RNF121: variants seen among roughly 807,000 people sequenced by gnomAD.
The protein encoded by RNF121 is ring finger protein 121.
RNF121 carries 21 observed loss-of-function variants against 46.5 expected under a neutral mutation model. The ratio of observed to expected loss-of-function variants is 0.45; its 90% CI spans 0.32 to 0.65. The LOEUF is 0.65. Ranked by LOEUF, RNF121 falls within the 30% of genes least tolerant of loss-of-function variation. RNF121 has a pLI of 0.04. For synonymous variants in RNF121, 139 were observed against 144.7 expected, an observed-to-expected ratio of 0.96 and a Z score of 0.28; for missense variants, 346 against 416.0, an observed-to-expected ratio of 0.83 and a Z score of 1.46.
chr11:71,967,719 C>T (rs553504810), intron 3 of RNF121, among the ~76,000 whole-genome samples: 6 of 152,162 alleles, frequency 3.9e-5, no homozygotes, highest in South Asian at 2.1e-4. Context: ...CTGTGCCTGG[C>T]GGTAATAATT....
intron 3 of RNF121, among the ~76,000 whole-genome samples, chr11:71,967,123 G>A (rs1196502956): frequency 3.4e-5 from 5 of 146,582 alleles, no homozygotes; most frequent in East Asian, 2.0e-4. Context: ...CACCCGCCTC[G>A]GCCTCCCAAA....
At chr11:71,987,713 A>G (rs1053219394) in intron 5 of RNF121, among the ~76,000 whole-genome samples, 5 of 152,258 alleles carry the variant, frequency 3.3e-5, no homozygotes, top group Non-Finnish European at 7.3e-5. Context: ...TTTATAGGAA[A>G]AGTTTGCTGA....
chr11:71,929,945 C>CTT (rs573332575), intron 1 of RNF121, among the ~76,000 whole-genome samples: 133 of 152,318 alleles, frequency 8.7e-4, no homozygotes, highest in Admixed American at 2.2e-3. Flanking sequence ...AAATAAGTGT[C>CTT]TCTCTCTTCT....
At chr11:71,940,970 C>T (rs1478876233) in intron 1 of RNF121, among the ~76,000 whole-genome samples, 4 of 152,180 alleles carry the variant, frequency 2.6e-5, no homozygotes, top group South Asian at 2.1e-4. Flanking sequence ...CGTTAAACAG[C>T]GTGGAATATT....
intron 3 of RNF121, among the ~76,000 whole-genome samples, chr11:71,964,243 C>T (rs1396186327): frequency 1.3e-5 from 2 of 151,858 alleles, no homozygotes; most frequent in African/African-American, 4.8e-5. Flanking sequence ...TAAACTTATT[C>T]CTAAGTATGT....
At chr11:71,982,716 C>T in intron 3 of RNF121, 45 bp from the exon 4 acceptor site, 3 of 1,560,146 alleles carry the variant, frequency 1.9e-6, no homozygotes, top group African/African-American at 2.7e-5. Context: ...GACAGAGCTG[C>T]AGAGGGAGCT....
intron 3 of RNF121, among the ~76,000 whole-genome samples, chr11:71,971,018 A>C (rs1054517584): frequency 1.3e-5 from 2 of 152,258 alleles, no homozygotes; most frequent in African/African-American, 4.8e-5. Flanking sequence ...AGATTTGTAC[A>C]TAATACTGAA....
intron 3 of RNF121, among the ~76,000 whole-genome samples, chr11:71,970,614 A>G (rs563954259): frequency 6.6e-6 from 1 of 152,234 alleles, no homozygotes; most frequent in East Asian, 1.9e-4. Flanking sequence ...GTAAACTATG[A>G]TCACGTCACT....
At chr11:71,953,034 A>G in intron 1 of RNF121, among the ~76,000 whole-genome samples, 1 of 152,150 alleles carries the variant, frequency 6.6e-6, no homozygotes, top group Non-Finnish European at 1.5e-5. Flanking sequence ...AGAATAGTAC[A>G]TTTTATTTAT....
intron 3 of RNF121, chr11:71,962,283 G>T: frequency 1.0e-6 from 1 of 984,746 alleles, no homozygotes; most frequent in Non-Finnish European, 1.2e-6. Flanking sequence ...AACCTATTCT[G>T]AAGAAAGTGA....
intron 1 of RNF121, among the ~76,000 whole-genome samples, chr11:71,956,666 C>CT (rs371703060): frequency 7.5e-4 from 114 of 152,364 alleles, no homozygotes; most frequent in African/African-American, 2.5e-3. Context: ...ATATCTAACT[C>CT]TGTCTCCCAC....
At chr11:71,958,866 C>G (rs1463203743) in intron 2 of RNF121, among the ~76,000 whole-genome samples, 2 of 152,212 alleles carry the variant, frequency 1.3e-5, no homozygotes, top group Admixed American at 6.5e-5. Flanking sequence ...GATGACTTCT[C>G]TGGTCTTTTC....
chr11:71,993,852 T>C (rs1431036579), intron 6 of RNF121, among the ~76,000 whole-genome samples: 1 of 151,290 alleles, frequency 6.6e-6, no homozygotes, highest in Non-Finnish European at 1.5e-5. Context: ...TTTTTTTTTT[T>C]TTTTTTGAGA....
At chr11:71,938,433 C>T (rs921725244) in intron 1 of RNF121, among the ~76,000 whole-genome samples, 13 of 147,672 alleles carry the variant, frequency 8.8e-5, no homozygotes, top group East Asian at 2.0e-4. Flanking sequence ...GATTCTTCTG[C>T]CTCAGCCTCC....
At chr11:71,993,330 T>C (rs1954903078) in intron 6 of RNF121, among the ~76,000 whole-genome samples, 1 of 152,258 alleles carries the variant, frequency 6.6e-6, no homozygotes, top group Non-Finnish European at 1.5e-5. Flanking sequence ...AAATTTTTCT[T>C]CATCCCAAAC....
At chr11:71,939,233 T>C in intron 1 of RNF121, 1 of 192,400 alleles carries the variant, frequency 5.2e-6, no homozygotes, top group South Asian at 8.8e-5. Flanking sequence ...AGCATTACTC[T>C]GCATTTTTAA....
At chr11:71,976,748 A>T (rs73531955) in intron 3 of RNF121, among the ~76,000 whole-genome samples, 1 of 152,068 alleles carries the variant, frequency 6.6e-6, no homozygotes, top group Non-Finnish European at 1.5e-5. Flanking sequence ...TTTGTGGTCA[A>T]CTGAAACCCC....
chr11:71,936,049 G>A (rs1327735091), intron 1 of RNF121, among the ~76,000 whole-genome samples: 5 of 151,554 alleles, frequency 3.3e-5, no homozygotes, highest in South Asian at 2.1e-4. Flanking sequence ...GGGTTTCACC[G>A]TGTTAGCCAG....
At chr11:71,994,292 G>A (rs150017652) in intron 6 of RNF121, among the ~76,000 whole-genome samples, 6 of 152,220 alleles carry the variant, frequency 3.9e-5, no homozygotes, top group African/African-American at 1.2e-4. Flanking sequence ...AACCAACATG[G>A]CACTTAATAT....
Sources: gnomAD v4.1 joint callset for allele counts (sites outside exome capture counted in the v4.1 genomes callset) on GRCh38, gnomAD v4.1.1 for gene constraint, MANE v1.5 for transcripts, NCBI Gene and HGNC (gene_info 2026-07-23, HGNC 2026-07-21) for gene names.